Variants in CDH23 observed in about 807,000 individuals in gnomAD.
CDH23 encodes cadherin-23.
CDH23 carries 189 observed loss-of-function variants against 317.1 expected under a neutral mutation model. The observed-to-expected ratio is 0.60, with a 90% CI of 0.53 to 0.67. The LOEUF (loss-of-function observed/expected upper bound fraction) is 0.67, where lower values mean the gene tolerates loss of function less well. Ranked by LOEUF, CDH23 falls within the 30% of genes least tolerant of loss-of-function variation. CDH23 has a pLI of 0.00. For synonymous variants in CDH23, 1,839 were observed against 1,876.8 expected (o/e 0.98, Z 0.52); for missense variants, 4,401 against 4,592.4 (o/e 0.96, Z 1.20).
At chr10:71,764,242 G>C (rs1156793237) in intron 38 of CDH23, among the ~76,000 whole-genome samples, 1 of 152,074 alleles carries the variant, frequency 6.6e-6, no homozygotes, top group Non-Finnish European at 1.5e-5. Context: ...CTACGCTAAG[G>C]GTTTCATGGG....
chr10:71,710,448 C>T lies in CDH23; in HGVS notation c.3220+1237C>T, dbSNP rs572642069. Among the ~76,000 whole-genome samples the T allele has an allele frequency of 2.0e-5, 3 of 152,362 alleles. No individual in the cohort carries two copies. In the East Asian group the frequency reaches 5.8e-4, roughly 29 times the overall value. ...CAGGCCTCAGGGCAGCCTCACCCCC[C>T]ACCCCAACCTCCAGGAAGACAGTGC... On this transcript the variant is annotated intron_variant, in intron 27 of 69. Coordinates refer to ENST00000224721, the MANE Select transcript of CDH23 (RefSeq NM_022124.6).
chr10:71,417,984 C>A (rs1848603475), intron 1 of CDH23, among the ~76,000 whole-genome samples: 1 of 152,206 alleles, frequency 6.6e-6, no homozygotes, highest in South Asian at 2.1e-4. Flanking sequence ...CACTGTTAAA[C>A]CCATCTATTA....
chr10:71,562,243 G>A (rs1264499491), intron 6 of CDH23, among the ~76,000 whole-genome samples: 1 of 152,082 alleles, frequency 6.6e-6, no homozygotes, highest in Non-Finnish European at 1.5e-5. Context: ...TTCAAGGCCT[G>A]TCCTGGCTGA....
At chr10:71,734,385 C>T (rs1053825503) in intron 33 of CDH23, 44 bp downstream of exon 33, 2 of 1,555,858 alleles carry the variant, frequency 1.3e-6, no homozygotes, top group African/African-American at 2.7e-5. Flanking sequence ...CGGCCCATCG[C>T]TGGCCATGAC....
chr10:71,546,427 A>T (rs1448537732), intron 6 of CDH23, among the ~76,000 whole-genome samples: 3 of 152,182 alleles, frequency 2.0e-5, no homozygotes, highest in Non-Finnish European at 4.4e-5. Flanking sequence ...CAACGCAAGC[A>T]ATTTTAAGGT....
At position 71,778,221 on chromosome 10, in the gene CDH23, C is replaced by T. The variant is rs10762480; in HGVS notation, c.5100C>T (p.Tyr1700=). 0.2 allele frequency: 325,638 copies of T among 1,613,522 alleles called. 33,605 individuals carry two copies. Among genetic ancestry groups the T allele is most frequent in the East Asian group, 0.22 (9,768 of 44,848 alleles). Residue 1700 remains tyrosine, a synonymous_variant, in exon 40 of 70, where the codon TAC becomes TAT. Transcript: ENST00000224721. ...GVITAAKELD[Y]EISHGRYTLI... is the part of the protein sequence containing the mutation. Reference sequence around the variant, plus strand: ...TCACTGCTGCCAAAGAGCTGGACTACGAGATCAGCCACGGCCGCTACACCC... The same window carrying T: ...TCACTGCTGCCAAAGAGCTGGACTATGAGATCAGCCACGGCCGCTACACCC...
chr10:71,477,995 T>C (rs572149426), intron 3 of CDH23, among the ~76,000 whole-genome samples: 1 of 152,198 alleles, frequency 6.6e-6, no homozygotes, highest in South Asian at 2.1e-4. Flanking sequence ...CCCCTACCAA[T>C]CTATGAGAAT....
At chr10:71,652,707 C>T (rs533646319) in intron 14 of CDH23, among the ~76,000 whole-genome samples, 3 of 152,310 alleles carry the variant, frequency 2.0e-5, no homozygotes, top group Admixed American at 1.3e-4. Flanking sequence ...TAGGAACACA[C>T]GCTGGAAATG....
intron 30 of CDH23, among the ~76,000 whole-genome samples, chr10:71,729,567 G>A (rs568278655): frequency 2.6e-5 from 4 of 152,324 alleles, no homozygotes; most frequent in Admixed American, 6.5e-5. Flanking sequence ...CCAACAGCCC[G>A]GGTGTGGGTG....
At position 71,778,234 on chromosome 10, in the gene CDH23, G is replaced by T; in HGVS notation, c.5113G>T (p.Gly1705Cys). ...AGAGCTGGACTACGAGATCAGCCAC[G>T]GCCGCTACACCCTGATCGTCACTGC... ...AKELDYEISH[G>C]RYTLIVTATD... Residue 1705 changes from glycine (G) to cysteine (C), a missense_variant, in exon 40 of 70, where the codon GGC becomes TGC. By Grantham distance (159) the Gly-to-Cys change is radical. This residue lies in a region of CDH23 where 3,068 missense variants were observed against 3,203.3 expected (regional missense o/e 0.96). Coordinates refer to ENST00000224721, the MANE Select transcript of CDH23 (RefSeq NM_022124.6). 3.1e-6 allele frequency: 5 copies of T among 1,613,792 alleles called. No homozygotes were observed. The highest frequency in any genetic ancestry group is 4.2e-6 in the Non-Finnish European group (5 of 1,179,826).
intron 23 of CDH23, among the ~76,000 whole-genome samples, 169 bp downstream of exon 23, chr10:71,702,380 G>A (rs1384588039): frequency 6.6e-6 from 1 of 152,178 alleles, no homozygotes; most frequent in Non-Finnish European, 1.5e-5. Flanking sequence ...CTGAGGGAAC[G>A]GAGGGAGCTG....
At chr10:71,450,382 C>T (rs2132033485) in intron 3 of CDH23, among the ~76,000 whole-genome samples, 1 of 151,868 alleles carries the variant, frequency 6.6e-6, no homozygotes, top group Middle Eastern at 3.4e-3. Flanking sequence ...TCTCCTGCCT[C>T]AGCCTCCTGG....
Position 71,799,126 on chromosome 10 carries a change from A to G in CDH23, c.7070A>G (p.Asn2357Ser), listed in dbSNP as rs937358682. ...EDSSAGKVIA[N>S]RTVDYEEVHW... The stretch of plus-strand genomic sequence containing the variant: ...TGTGTCTTAGGGAAGGTCATTGCCA[A>G]CCGGACAGTGGACTACGAGGAGGTG... Residue 2357 changes from asparagine to serine, a missense_variant, in exon 51 of 70, where the codon AAC (asparagine) becomes AGC (serine). Asn to Ser is a conservative substitution (Grantham distance 46). Around this residue, in one of 3 missense-constraint regions of CDH23, gnomAD observed 189 missense variants for 250.9 expected, o/e 0.75. Coordinates refer to ENST00000224721, the MANE Select transcript of CDH23 (RefSeq NM_022124.6). The G allele has an allele frequency of 3.1e-6, 5 of 1,613,764 alleles. No homozygotes were observed. Among genetic ancestry groups the G allele is most frequent in the Non-Finnish European group, 4.2e-6 (5 of 1,179,664 alleles).
chr10:71,793,645 A>C lies in CDH23; in HGVS notation c.6712+5A>C, dbSNP rs1478908761. The C allele has an allele frequency of 6.4e-7, 1 of 1,565,594 alleles. No homozygotes were observed. Among genetic ancestry groups the C allele is most frequent in the South Asian group, 1.2e-5 (1 of 82,384 alleles). ...TTGCTGTGAATATCAACACAGGTAC[A>C]AGGGCCTGCACCCCTCCCACCTCCC... On this transcript the variant is annotated splice_donor_5th_base_variant and intron_variant, in intron 48 of 69. Coordinates refer to ENST00000224721, the MANE Select transcript of CDH23 (RefSeq NM_022124.6).
At chr10:71,532,039 CAGAG>C (rs1447208862) in intron 6 of CDH23, among the ~76,000 whole-genome samples, 1 of 152,150 alleles carries the variant, frequency 6.6e-6, no homozygotes, top group African/African-American at 2.4e-5. Flanking sequence ...GGGAGTCCCT[CAGAG>C]AGACCCCAGA....
intron 62 of CDH23, 143 bp from the exon 63 acceptor site, chr10:71,811,172 A>C: frequency 8.3e-7 from 1 of 1,204,442 alleles, no homozygotes; most frequent in Non-Finnish European, 1.2e-6. Flanking sequence ...CTTGTAAAAC[A>C]CAAAGCTGTC....
At chr10:71,639,642 C>G (rs187284468) in intron 11 of CDH23, among the ~76,000 whole-genome samples, 9 of 152,172 alleles carry the variant, frequency 5.9e-5, no homozygotes, top group East Asian at 3.8e-4. Context: ...ACACTTACCC[C>G]CTCTGGCCCC....
intron 11 of CDH23, among the ~76,000 whole-genome samples, chr10:71,621,636 G>A (rs567214068): frequency 1.1e-4 from 17 of 152,300 alleles, no homozygotes; most frequent in Admixed American, 9.8e-4. Flanking sequence ...CGGGGCAGTC[G>A]AGGGAGCTGA....
chr10:71,785,046 C>T lies in CDH23; in HGVS notation c.5658C>T (p.Leu1886=), dbSNP rs564493663. 2.5e-6 allele frequency: 4 copies of T among 1,614,096 alleles called. No individual in the cohort carries two copies. The South Asian group carries it at 4.4e-5, about 18-fold the overall frequency. Residue 1886 remains leucine (L), a synonymous_variant, in exon 43 of 70, where the codon CTC becomes CTT. Coordinates refer to ENST00000224721, the MANE Select transcript of CDH23 (RefSeq NM_022124.6). ...SDADSGCNAR[L]TFNITAGNRE... is the part of the protein sequence containing the mutation. ...CTGACAGTGGCTGCAATGCACGCCT[C>T]ACCTTCAACATCACTGCGGGCAACC...
Sources: allele counts gnomAD v4.1 joint callset (sites outside exome capture counted in the v4.1 genomes callset), GRCh38; gene constraint gnomAD v4.1.1; regional missense constraint gnomAD v4.1.1; transcripts MANE v1.5; gene names NCBI Gene and HGNC (gene_info 2026-07-23, HGNC 2026-07-21).